RELN: variants seen among roughly 807,000 people sequenced by gnomAD.
RELN encodes reelin.
In RELN, 108 loss-of-function variants were observed where a neutral mutation model predicts 427.6. That is an observed-to-expected ratio of 0.25 (90% CI 0.22 to 0.30). The LOEUF is 0.30. RELN is among the 10% of genes least tolerant of loss of function. The pLI is 1.00. For missense variants in RELN, 3,715 were observed against 4,302.8 expected (o/e 0.86, Z 3.82); for synonymous variants, 1,524 against 1,513.4 (o/e 1.01, Z -0.16).
chr7:103,540,570 G>T (rs374052852), intron 43 of RELN, 115 bp from the exon 44 acceptor site: 3 of 871,848 alleles, frequency 3.4e-6, no homozygotes, highest in Non-Finnish European at 5.6e-6. Context: ...TAAATATGGC[G>T]ATTTAATGAG....
chr7:103,707,851 C>T (rs918913363), intron 8 of RELN, among the ~76,000 whole-genome samples: 5 of 151,836 alleles, frequency 3.3e-5, no homozygotes, highest in African/African-American at 1.2e-4. Context: ...GCAAAACAAA[C>T]AAAAAAACTA....
intron 52 of RELN, among the ~76,000 whole-genome samples, chr7:103,502,032 A>G (rs1829047573): frequency 1.3e-5 from 2 of 152,228 alleles, no homozygotes; most frequent in Admixed American, 1.3e-4. Context: ...GACAGCAGAT[A>G]TTCTCTTAAG....
chr7:103,728,273 T>A, intron 6 of RELN, 66 bp from the exon 7 acceptor site: 1 of 1,370,476 alleles, frequency 7.3e-7, no homozygotes, highest in Non-Finnish European at 1.0e-6. Context: ...ACTGCTCAGG[T>A]AAGAAACGAT....
chr7:103,611,466 G>T, intron 21 of RELN, 145 bp downstream of exon 21: 1 of 640,680 alleles, frequency 1.6e-6, no homozygotes, highest in Non-Finnish European at 2.7e-6. Context: ...CTGACTTTAT[G>T]TTAATTCTAA....
intron 8 of RELN, among the ~76,000 whole-genome samples, chr7:103,721,819 A>G (rs1224470065): frequency 6.6e-6 from 1 of 152,168 alleles, no homozygotes; most frequent in Non-Finnish European, 1.5e-5. Flanking sequence ...CTTATGTTAT[A>G]TATTAATAGC....
intron 36 of RELN, among the ~76,000 whole-genome samples, chr7:103,559,982 C>G (rs921755322): frequency 6.6e-6 from 1 of 152,132 alleles, no homozygotes; most frequent in Non-Finnish European, 1.5e-5. Context: ...CTATTTTACA[C>G]TGTATTTTGT....
intron 17 of RELN, among the ~76,000 whole-genome samples, chr7:103,637,209 C>G (rs1832601725): frequency 6.6e-6 from 1 of 152,186 alleles, no homozygotes; most frequent in Admixed American, 6.5e-5. Flanking sequence ...GCAATGGAAA[C>G]ATCTACGTTT....
intron 2 of RELN, among the ~76,000 whole-genome samples, chr7:103,869,917 A>G (rs549461614): frequency 6.6e-6 from 1 of 152,214 alleles, no homozygotes; most frequent in East Asian, 1.9e-4. Context: ...AGATCCCTGA[A>G]GTCTTTCTTC....
rs577016070 is a variant in RELN at position 103,771,163 on chromosome 7, C to G, written c.544+5394G>C. Among the ~76,000 whole-genome samples, 83 of 151,722 alleles carry G rather than the reference C, an allele frequency of 5.5e-4. No individual in the cohort carries two copies. In the South Asian group the frequency reaches 5.8e-3, roughly 11 times the overall value. On this transcript the variant is annotated intron_variant, in intron 4 of 64. Coordinates refer to ENST00000428762, the MANE Select transcript of RELN (RefSeq NM_005045.4). Reference sequence around the variant, plus strand: ...AACTCCTGACCTCAGGTGATCTGCCCGCCTCGGCCTCCCAAAGTGCTGGGA... The same window carrying G: ...AACTCCTGACCTCAGGTGATCTGCCGGCCTCGGCCTCCCAAAGTGCTGGGA...
chr7:103,867,979 A>G (rs2237638), intron 2 of RELN, among the ~76,000 whole-genome samples: 21,824 of 151,984 alleles, frequency 0.14, 1,875 homozygotes, highest in East Asian at 0.34. Flanking sequence ...TCCTCCTGGC[A>G]CCAAGTGCCC....
chr7:103,512,003 G>T (rs75917330), intron 50 of RELN, among the ~76,000 whole-genome samples: 1 of 151,886 alleles, frequency 6.6e-6, no homozygotes, highest in Non-Finnish European at 1.5e-5. Flanking sequence ...TTTGTTGGGG[G>T]GTTGCTGTTT....
At chr7:103,758,177 C>T (rs373989697) in intron 4 of RELN, among the ~76,000 whole-genome samples, 109 of 152,160 alleles carry the variant, frequency 7.2e-4, no homozygotes, top group African/African-American at 2.5e-3. Flanking sequence ...AGAAATAATG[C>T]CATTGAAATT....
In RELN at chr7:103,640,585, T is replaced by A; in HGVS notation, c.2027A>T (p.Lys676Ile). ...DNVYIGPSCL[K>I]FCSGRGQCTR... ...GCACTGTCCTCTGCCAGAACAGAAT[T>A]TGAGACATGACGGGCCAATATAAAC... Residue 676 changes from lysine to isoleucine, a missense_variant, in exon 17 of 65, where the codon AAA (lysine) becomes ATA (isoleucine). Around this residue, in one of 4 missense-constraint regions of RELN, gnomAD observed 2,208 missense variants for 2,361.7 expected, o/e 0.93. Coordinates refer to ENST00000428762, the MANE Select transcript of RELN (RefSeq NM_005045.4). This position sits in a 1 kb window ranked among gnomAD's most constrained non-coding sequence, Gnocchi z 4.1. 6.2e-7 allele frequency: 1 copy of A among 1,613,840 alleles called. No homozygotes were observed. The highest frequency in any genetic ancestry group is 2.2e-5 in the East Asian group (1 of 44,804).
chr7:103,562,633 G>A (rs1016749014), intron 34 of RELN, among the ~76,000 whole-genome samples: 23 of 152,194 alleles, frequency 1.5e-4, no homozygotes, highest in African/African-American at 5.5e-4. Flanking sequence ...GCATAGAAGT[G>A]TGTTTGTCTG....
chr7:103,894,801 G>C (rs1794923753), intron 2 of RELN, among the ~76,000 whole-genome samples: 1 of 152,056 alleles, frequency 6.6e-6, no homozygotes, highest in African/African-American at 2.4e-5. Context: ...CTCAAATTTT[G>C]TATGTAAGCA....
chr7:103,794,095 G>A (rs1792237936), intron 3 of RELN, among the ~76,000 whole-genome samples: 1 of 152,088 alleles, frequency 6.6e-6, no homozygotes, highest in East Asian at 1.9e-4. Flanking sequence ...TTTTAATTTT[G>A]TAGGTAATTT....
Position 103,483,809 on chromosome 7 carries a change from G to A in RELN, c.10025C>T (p.Thr3342Met), listed in dbSNP as rs201703640. ...ACTCAGGTCACTGTTGCAGCTGTCC[G>A]TCTGCGACATGCTCCCAATTTGCAA... ...FVLQIGSMSQ[T>M]DSCNSDLSGP... Residue 3342 changes from threonine (T) to methionine (M), a missense_variant, in exon 62 of 65, where the codon ACG becomes ATG. Coordinates refer to ENST00000428762, the MANE Select transcript of RELN (RefSeq NM_005045.4). 1.5e-5 allele frequency: 25 copies of A among 1,613,898 alleles called. No individual in the cohort carries two copies. The highest frequency in any genetic ancestry group is 2.2e-5 in the East Asian group (1 of 44,904).
At chr7:103,606,405 G>T (rs1358681062) in intron 22 of RELN, among the ~76,000 whole-genome samples, 1 of 152,166 alleles carries the variant, frequency 6.6e-6, no homozygotes, top group Non-Finnish European at 1.5e-5. Context: ...AGGCCCCCAG[G>T]ACCCTGGTTC....
intron 4 of RELN, among the ~76,000 whole-genome samples, chr7:103,761,112 C>T (rs1004323527): frequency 1.3e-5 from 2 of 152,160 alleles, no homozygotes; most frequent in African/African-American, 4.8e-5. Context: ...TCTTCCCTCT[C>T]TGATTTTCCA....
Sources: allele counts gnomAD v4.1 joint callset (sites outside exome capture counted in the v4.1 genomes callset), GRCh38; gene constraint gnomAD v4.1.1; regional missense constraint gnomAD v4.1.1; non-coding constraint Gnocchi (gnomAD v3.1); transcripts MANE v1.5; gene names NCBI Gene and HGNC (gene_info 2026-07-23, HGNC 2026-07-21).